Variants in DCX observed in about 807,000 individuals in gnomAD.
DCX encodes neuronal migration protein doublecortin.
A neutral mutation model predicts 20.9 loss-of-function variants in DCX; 4 were observed. The observed-to-expected ratio is 0.19, with a 90% confidence interval of 0.09 to 0.44. The LOEUF (loss-of-function observed/expected upper bound fraction) is 0.44, where lower values mean the gene tolerates loss of function less well. Among genes scored for constraint, DCX ranks in the 20% least tolerant of loss-of-function variants. The probability of loss-of-function intolerance (pLI) is 0.99; values close to 1 mark genes in which losing one functional copy is unlikely to be tolerated. For synonymous variants in DCX, 103 were observed against 111.4 expected, an observed-to-expected ratio of 0.92 and a Z score of 0.47; for missense variants, 133 against 296.9, an observed-to-expected ratio of 0.45 and a Z score of 4.06.
intron 3 of DCX, among the ~76,000 whole-genome samples, chrX:111,342,032 C>A (rs1603416849): frequency 9.2e-6 from 1 of 108,341 alleles, no homozygotes; most frequent in East Asian, 2.9e-4. Context: ...TCAATACTAA[C>A]CTTACATTTA....
At chrX:111,329,537 G>A (rs186805299) in intron 5 of DCX, among the ~76,000 whole-genome samples, 1 of 111,113 alleles carries the variant, frequency 9.0e-6, no homozygotes, top group Admixed American at 9.7e-5. Flanking sequence ...AGATATGAAT[G>A]GCATGCTATG....
At chrX:111,356,690 T>C (rs1038163966) in intron 3 of DCX, among the ~76,000 whole-genome samples, 1 of 111,984 alleles carries the variant, frequency 8.9e-6, no homozygotes, top group African/African-American at 3.2e-5. Flanking sequence ...TATACACTTG[T>C]TGGCAAATTA....
intron 3 of DCX, among the ~76,000 whole-genome samples, chrX:111,373,433 C>T (rs1452806809): frequency 3.6e-5 from 4 of 112,088 alleles, no homozygotes; most frequent in Non-Finnish European, 7.5e-5. Context: ...TACCTTGACT[C>T]TCAACCTAGA....
chrX:111,300,995 T>A lies in DCX; in HGVS notation c.*692A>T, dbSNP rs1362781643. ...CTCAGTGGAGAGATTGACCAGGAAT[T>A]CACTGTGCTTTATAAACTCTTCGGA... is the stretch of plus-strand genomic sequence containing the variant. On this transcript the variant is annotated 3_prime_UTR_variant, in exon 7 of 7. Transcript: ENST00000636035. 2 of 113,672 alleles carry A rather than the reference T, an allele frequency of 1.8e-5. No homozygotes were observed. The highest frequency in any genetic ancestry group is 1.8e-4 in the Admixed American group (2 of 10,877). 9.4% of individuals were successfully genotyped at this position (113,672 alleles called of 1,213,427 possible). A position where few individuals can be genotyped will look rare whatever the true frequency, so the allele number is the denominator to read the frequency against.
rs1329939521 is a variant in DCX at position 111,300,614 on chromosome X, TGC to T, written c.*1071_*1072del. 2 of 105,607 alleles carry T rather than the reference TGC, an allele frequency of 1.9e-5. No individual in the cohort carries two copies. Among genetic ancestry groups the T allele is most frequent in the African/African-American group, 7.1e-5 (2 of 28,011 alleles). The allele number at this position is 105,607 out of a possible 1,213,427, so 8.7% of individuals were successfully genotyped here. A position where few individuals can be genotyped will look rare whatever the true frequency, so the allele number is the denominator to read the frequency against. ...TAATTTCTAAACTACATTATTCTTC[TGC>T]TTTTTTTTTTTTTTTTGGTAAATTT... On this transcript the variant is annotated 3_prime_UTR_variant, in exon 7 of 7. Transcript: ENST00000636035.
intron 5 of DCX, among the ~76,000 whole-genome samples, chrX:111,324,823 T>A (rs1043521866): frequency 9.0e-6 from 1 of 111,728 alleles, no homozygotes; most frequent in Non-Finnish European, 1.9e-5. Flanking sequence ...TACTAAGTAC[T>A]TTAGAGGGGT....
intron 3 of DCX, among the ~76,000 whole-genome samples, chrX:111,338,161 G>A (rs1249078590): frequency 1.8e-5 from 2 of 112,175 alleles, no homozygotes; most frequent in Non-Finnish European, 3.8e-5. Context: ...AAGGCATTCT[G>A]ATTTTCCAAA....
chrX:111,315,153 G>A (rs1477286472), intron 5 of DCX, among the ~76,000 whole-genome samples: 1 of 104,117 alleles, frequency 9.6e-6, no homozygotes, highest in East Asian at 2.9e-4. Flanking sequence ...GTGTAAGGAA[G>A]GGATCCAGTT....
rs145125620 is a variant in DCX, at chrX:111,339,367, C to T, written c.706-6214G>A. ...AATGGGTTAATGGATTAATGAGTTA[C>T]CATGGGAGGAGAACTGATGGCTTTT... On this transcript the variant is annotated intron_variant, in intron 3 of 6. Transcript: ENST00000636035. Among the ~76,000 whole-genome samples the T allele has an allele frequency of 3.6e-3, 395 of 110,571 alleles. 3 individuals are homozygous for T. The highest frequency in any genetic ancestry group is 0.012 in the African/African-American group (375 of 30,333).
At chrX:111,333,492 C>A (rs1483144674) in intron 3 of DCX, among the ~76,000 whole-genome samples, 1 of 111,336 alleles carries the variant, frequency 9.0e-6, no homozygotes, top group Non-Finnish European at 1.9e-5. Context: ...GCCTCAAAGA[C>A]GGGAAGCTCC....
At chrX:111,357,715 G>T (rs1002414580) in intron 3 of DCX, among the ~76,000 whole-genome samples, 7 of 110,135 alleles carry the variant, frequency 6.4e-5, no homozygotes, top group Non-Finnish European at 1.1e-4. Flanking sequence ...CCAGGATGTC[G>T]AGACTGCAGT....
chrX:111,390,597 A>G (rs1475918608), intron 3 of DCX, among the ~76,000 whole-genome samples: 1 of 111,533 alleles, frequency 9.0e-6, no homozygotes, highest in East Asian at 2.8e-4. Flanking sequence ...TGCCTGTACT[A>G]CCACACAGCC....
At chrX:111,407,845 G>A (rs1402763292) in intron 2 of DCX, among the ~76,000 whole-genome samples, 3 of 102,932 alleles carry the variant, frequency 2.9e-5, no homozygotes. Context: ...CACATATCTA[G>A]GGAGAAAAAT....
chrX:111,321,781 C>T (rs1028350720), intron 5 of DCX, among the ~76,000 whole-genome samples: 1 of 111,818 alleles, frequency 8.9e-6, no homozygotes, highest in Non-Finnish European at 1.9e-5. Context: ...TAAGAGGCCC[C>T]AGGTGTAGCA....
chrX:111,329,010 A>G (rs1193820788), intron 5 of DCX, among the ~76,000 whole-genome samples: 1 of 112,202 alleles, frequency 8.9e-6, no homozygotes, highest in Non-Finnish European at 1.9e-5. Flanking sequence ...GGATACAAGT[A>G]ATACAGGTTA....
intron 3 of DCX, among the ~76,000 whole-genome samples, chrX:111,382,286 T>C (rs1025680654): frequency 8.0e-5 from 9 of 111,881 alleles, no homozygotes; most frequent in African/African-American, 1.3e-4. Flanking sequence ...CTAGAGAACA[T>C]TGAGGCCAGT....
At chrX:111,380,547 G>C (rs1925887374) in intron 3 of DCX, among the ~76,000 whole-genome samples, 1 of 111,562 alleles carries the variant, frequency 9.0e-6, no homozygotes, top group African/African-American at 3.2e-5. Flanking sequence ...GTACCACACT[G>C]TTTTGATAAC....
At chrX:111,405,244 G>T (rs998827218) in intron 2 of DCX, among the ~76,000 whole-genome samples, 7 of 111,976 alleles carry the variant, frequency 6.3e-5, no homozygotes, top group Admixed American at 2.9e-4. Flanking sequence ...CTTCTCCAGG[G>T]CTTCCTGACT....
At position 111,396,574 on chromosome X, in the gene DCX, C is replaced by T. The variant is rs1275795831; in HGVS notation, c.705+4416G>A. ...TTAATTTTAAGGCCAGAACATGTAT[C>T]TATTAAACTACTACTATCATGTGAA... On this transcript the variant is annotated intron_variant, in intron 3 of 6. Coordinates refer to ENST00000636035, the MANE Select transcript of DCX (RefSeq NM_001195553.2). Among the ~76,000 whole-genome samples the T allele has an allele frequency of 1.2e-4, 14 of 112,164 alleles. No individual in the cohort carries two copies. The Admixed American group carries it at 1.3e-3, about 11-fold the overall frequency.
Sources: gnomAD v4.1 joint callset for allele counts (sites outside exome capture counted in the v4.1 genomes callset) on GRCh38, gnomAD v4.1.1 for gene constraint, MANE v1.5 for transcripts, NCBI Gene and HGNC (gene_info 2026-07-23, HGNC 2026-07-21) for gene names.